GPR39: variants seen among roughly 807,000 people sequenced by gnomAD.
GPR39 encodes G protein-coupled receptor 39.
In GPR39, 23 loss-of-function variants were observed where a neutral mutation model predicts 18.4. The observed-to-expected ratio is 1.25, with a 90% CI of 0.90 to 1.77. The LOEUF (loss-of-function observed/expected upper bound fraction) is 1.77, where lower values mean the gene tolerates loss of function less well. GPR39 is among the 40% of genes most tolerant of loss of function. The pLI, the probability that GPR39 is intolerant of heterozygous loss-of-function variation, is 0.00. For synonymous variants in GPR39, 280 were observed against 257.9 expected, an observed-to-expected ratio of 1.09 and a Z score of -0.82; for missense variants, 647 against 602.4, an observed-to-expected ratio of 1.07 and a Z score of -0.78.
intron 1 of GPR39, among the ~76,000 whole-genome samples, chr2:132,504,160 TCACATTGTGAGTCTC>T (rs781728722): frequency 2.0e-5 from 3 of 152,176 alleles, no homozygotes; most frequent in Non-Finnish European, 4.4e-5. Flanking sequence ...GAGCAAATGT[TCACATTGTGAGTCTC>T]CACATGCTAC....
chr2:132,430,109 G>C (rs565537533), intron 1 of GPR39, among the ~76,000 whole-genome samples: 3 of 152,256 alleles, frequency 2.0e-5, no homozygotes, highest in African/African-American at 4.8e-5. Context: ...GAGAGAGGCA[G>C]TGTGAGGGGC....
In GPR39 at chr2:132,417,288, G is replaced by A; in HGVS notation, c.246G>A (p.Val82=). The A allele has an allele frequency of 6.2e-7, 1 of 1,614,190 alleles. No individual in the cohort carries two copies. The highest frequency in any genetic ancestry group is 8.5e-7 in the Non-Finnish European group (1 of 1,180,040). ...GTTTGGCTTGCTCGGACATCTTGGT[G>A]TTCCTCATCGGCATGCCCATGGAGT... ...MVSLACSDIL[V]FLIGMPMEFY... is the part of the protein sequence containing the mutation. The change falls in exon 1 of 2, where the codon GTG becomes GTA. Residue 82 remains valine (V), a synonymous_variant. Coordinates refer to ENST00000329321, the MANE Select transcript of GPR39 (RefSeq NM_001508.3).
intron 1 of GPR39, among the ~76,000 whole-genome samples, chr2:132,530,265 A>T (rs926850814): frequency 6.6e-6 from 1 of 152,204 alleles, no homozygotes; most frequent in East Asian, 1.9e-4. Flanking sequence ...GTGATGGAAG[A>T]TGAAATGAAT....
At chr2:132,534,135 C>G (rs886789951) in intron 1 of GPR39, among the ~76,000 whole-genome samples, 6 of 152,046 alleles carry the variant, frequency 3.9e-5, no homozygotes, top group Non-Finnish European at 8.8e-5. Context: ...TGAACTCAAA[C>G]AAATTTACAA....
chr2:132,544,570 G>A (rs1009851530), intron 1 of GPR39, among the ~76,000 whole-genome samples: 2 of 152,334 alleles, frequency 1.3e-5, no homozygotes, highest in African/African-American at 4.8e-5. Flanking sequence ...GCTGCAGGAG[G>A]TACTCCACCC....
intron 1 of GPR39, among the ~76,000 whole-genome samples, chr2:132,616,171 A>G (rs933030781): frequency 3.3e-5 from 5 of 152,102 alleles, no homozygotes; most frequent in African/African-American, 9.7e-5. Context: ...AGCTGGGACC[A>G]CACTTGGTTA....
intron 1 of GPR39, among the ~76,000 whole-genome samples, chr2:132,608,554 G>A (rs978908763): frequency 1.3e-5 from 2 of 152,282 alleles, no homozygotes; most frequent in Admixed American, 6.5e-5. Context: ...CTGAGTGGCC[G>A]TGTCACAGGC....
intron 1 of GPR39, among the ~76,000 whole-genome samples, chr2:132,605,750 A>G (rs1193193070): frequency 2.0e-5 from 3 of 152,216 alleles, no homozygotes; most frequent in African/African-American, 7.2e-5. Context: ...AGGGGTGTTC[A>G]GTCGGCTGAG....
chr2:132,421,121 CT>C (rs1680000430), intron 1 of GPR39, among the ~76,000 whole-genome samples: 2 of 152,196 alleles, frequency 1.3e-5, no homozygotes, highest in African/African-American at 4.8e-5. Context: ...ATTATCTGTC[CT>C]GTCCCTTCAA....
chr2:132,563,547 C>G (rs1189254419), intron 1 of GPR39, among the ~76,000 whole-genome samples: 1 of 152,084 alleles, frequency 6.6e-6, no homozygotes, highest in African/African-American at 2.4e-5. Context: ...TCATGCCTTA[C>G]AAAAATGAGA....
At chr2:132,634,210 A>G (rs995178863) in intron 1 of GPR39, among the ~76,000 whole-genome samples, 2 of 151,958 alleles carry the variant, frequency 1.3e-5, no homozygotes, top group Non-Finnish European at 2.9e-5. Context: ...ATGATTCTGG[A>G]GGTGAGATGG....
intron 1 of GPR39, among the ~76,000 whole-genome samples, chr2:132,611,116 A>C (rs1558858238): frequency 6.6e-6 from 1 of 152,150 alleles, no homozygotes; most frequent in East Asian, 1.9e-4. Context: ...GAAGCACCCA[A>C]CTTCCCCGTG....
At chr2:132,547,066 G>A (rs3115025) in intron 1 of GPR39, among the ~76,000 whole-genome samples, 62,954 of 151,630 alleles carry the variant, frequency 0.42, 14,563 homozygotes, top group African/African-American at 0.63. Context: ...CCAGCAAGCC[G>A]CACCGACAGA....
chr2:132,630,367 A>G (rs1028506630), intron 1 of GPR39, among the ~76,000 whole-genome samples: 1 of 152,174 alleles, frequency 6.6e-6, no homozygotes, highest in African/African-American at 2.4e-5. Context: ...AGAGAGACTA[A>G]CTGGGTCAGA....
chr2:132,628,208 T>C (rs756208599), intron 1 of GPR39, among the ~76,000 whole-genome samples: 1 of 152,204 alleles, frequency 6.6e-6, no homozygotes, highest in Admixed American at 6.5e-5. Context: ...GTCCTGGAGT[T>C]CCAGATTTCT....
At chr2:132,458,316 C>T (rs1197909170) in intron 1 of GPR39, among the ~76,000 whole-genome samples, 2 of 152,022 alleles carry the variant, frequency 1.3e-5, no homozygotes, top group African/African-American at 4.8e-5. Flanking sequence ...GCCTTTATTT[C>T]TATAATGTTT....
rs111816140 is a variant in GPR39 at position 132,422,167 on chromosome 2, C to A, written c.856+4269C>A. On this transcript the variant is annotated intron_variant, in intron 1 of 1. Coordinates refer to ENST00000329321, the MANE Select transcript of GPR39 (RefSeq NM_001508.3). ...CTCAGTAAGATTATAAAAAGGGCCT[C>A]TCTTCATTCTTTGTTATTTAAATCA... is the stretch of plus-strand genomic sequence containing the variant. Among the ~76,000 whole-genome samples the A allele has an allele frequency of 6.8e-3, 1,030 of 152,246 alleles. 13 individuals carry two copies. The highest frequency in any genetic ancestry group is 0.023 in the African/African-American group (952 of 41,532).
chr2:132,572,717 G>A (rs535493655), intron 1 of GPR39, among the ~76,000 whole-genome samples: 1 of 152,242 alleles, frequency 6.6e-6, no homozygotes, highest in Admixed American at 6.5e-5. Flanking sequence ...CCCCCAAGTG[G>A]TAGCAACAAG....
At chr2:132,525,389 G>A (rs532376683) in intron 1 of GPR39, among the ~76,000 whole-genome samples, 1 of 152,308 alleles carries the variant, frequency 6.6e-6, no homozygotes, top group Admixed American at 6.5e-5. Flanking sequence ...GGATGATCAT[G>A]CGAGGGATTT....
Sources: gnomAD v4.1 joint callset for allele counts (sites outside exome capture counted in the v4.1 genomes callset) on GRCh38, gnomAD v4.1.1 for gene constraint, MANE v1.5 for transcripts, NCBI Gene and HGNC (gene_info 2026-07-23, HGNC 2026-07-21) for gene names.